IDS: variants seen among roughly 807,000 people sequenced by gnomAD.
IDS encodes iduronate 2-sulfatase, also known as alpha-L-iduronate sulfate sulfatase.
IDS carries 1 observed loss-of-function variant against 33.5 expected under a neutral mutation model. The ratio of observed to expected loss-of-function variants is 0.03; its 90% CI spans 0.01 to 0.14. The LOEUF (loss-of-function observed/expected upper bound fraction) is 0.14. Ranked by LOEUF, IDS falls within the 10% of genes least tolerant of loss-of-function variation. IDS has a pLI of 1.00. For synonymous variants in IDS, 191 were observed against 184.4 expected (o/e 1.04, Z -0.29); for missense variants, 328 against 448.0 (o/e 0.73, Z 2.42).
chrX:149,491,188 T>C (rs782495376), intron 6 of IDS, among the ~76,000 whole-genome samples: 2 of 112,167 alleles, frequency 1.8e-5, no homozygotes, highest in East Asian at 5.6e-4. Context: ...TACAACTGCA[T>C]ATCTTCATGA....
intron 8 of IDS, 104 bp downstream of exon 8, chrX:149,486,821 G>C: frequency 1.1e-6 from 1 of 883,395 alleles, no homozygotes; most frequent in Non-Finnish European, 1.7e-6. Flanking sequence ...GGCAGGAAGG[G>C]GGGGTCTGTG....
intron 1 of IDS, among the ~76,000 whole-genome samples, chrX:149,504,596 G>T (rs1191413493): frequency 1.8e-5 from 2 of 110,651 alleles, no homozygotes; most frequent in African/African-American, 6.6e-5. Context: ...ATGCAGGAAA[G>T]GACAGATGGT....
At chrX:149,499,675 T>C (rs1166826002) in intron 4 of IDS, among the ~76,000 whole-genome samples, 1 of 111,027 alleles carries the variant, frequency 9.0e-6, no homozygotes, top group East Asian at 2.8e-4. Flanking sequence ...CATTAAATTA[T>C]ATACTTCAAA....
chrX:149,486,328 T>C (rs1259910696), intron 8 of IDS, among the ~76,000 whole-genome samples: 1 of 111,522 alleles, frequency 9.0e-6, no homozygotes, highest in Admixed American at 9.5e-5. Context: ...GAAGAGAAGA[T>C]ATTGGTGGAT....
chrX:149,479,731 T>TA lies in IDS; in HGVS notation c.*3014dup, dbSNP rs2089285469. 9.0e-6 allele frequency: 1 copy of TA among 111,657 alleles called. No individual in the cohort carries two copies. Among genetic ancestry groups the TA allele is most frequent in the African/African-American group, 3.3e-5 (1 of 30,578 alleles). The allele number at this position is 111,657 out of a possible 1,213,427, so 9.2% of individuals were successfully genotyped here. A position where few individuals can be genotyped will look rare whatever the true frequency, so the allele number is the denominator to read the frequency against. On this transcript the variant is annotated 3_prime_UTR_variant, in exon 9 of 9. Transcript: ENST00000340855. The stretch of plus-strand genomic sequence containing the variant: ...GTAAAAAAGAACATAAATTACATGA[T>TA]AAAGAATATGACCAGAACAATGCAA...
chrX:149,501,164 C>T (rs1368617606), intron 3 of IDS, 127 bp from the exon 4 acceptor site: 1 of 436,735 alleles, frequency 2.3e-6, no homozygotes, highest in African/African-American at 5.3e-5. Context: ...TCCTCATCTA[C>T]AAAAGGTCCC....
intron 8 of IDS, among the ~76,000 whole-genome samples, chrX:149,486,514 A>G (rs782033954): frequency 6.2e-4 from 69 of 111,766 alleles, no homozygotes; most frequent in African/African-American, 2.1e-3. Context: ...TGTGCCCCCC[A>G]CAAAGAAGGC....
chrX:149,483,741 CATCT>C (rs782803233), intron 8 of IDS, among the ~76,000 whole-genome samples: 6 of 112,140 alleles, frequency 5.4e-5, no homozygotes, highest in Non-Finnish European at 1.1e-4. Context: ...TCATTACCAC[CATCT>C]ATCTCCAGAA....
At position 149,482,916 on chromosome X, in the gene IDS, T is replaced by C. The variant is rs782228221; in HGVS notation, c.1483A>G (p.Ile495Val). Residue 495 changes from isoleucine (I) to valine (V), a missense_variant, in exon 9 of 9, where the codon ATA (isoleucine) becomes GTA (valine). Around this residue, in one of 4 missense-constraint regions of IDS, gnomAD observed 265 missense variants for 339.2 expected, o/e 0.78. Transcript: ENST00000340855. ...IKIMGYSIRTIDYRYTVWVGF... is the reference protein window; with the variant it reads ...IKIMGYSIRTVDYRYTVWVGF... Reference sequence around the variant, plus strand: ...ACCCACACAGTATACCTATAGTCTATGGTGCGTATGGAATAGCCCATGATC... The same window carrying C: ...ACCCACACAGTATACCTATAGTCTACGGTGCGTATGGAATAGCCCATGATC... 3 of 1,211,652 alleles carry C rather than the reference T, an allele frequency of 2.5e-6. No individual in the cohort carries two copies. Among genetic ancestry groups the C allele is most frequent in the Admixed American group, 2.2e-5 (1 of 46,046 alleles).
Position 149,492,181 on chromosome X carries a change from T to C in IDS, c.880-1741A>G, listed in dbSNP as rs1043230851. Among the ~76,000 whole-genome samples, 2 of 111,976 alleles carry C rather than the reference T, an allele frequency of 1.8e-5. 1 individual carries two copies. Among genetic ancestry groups the C allele is most frequent in the Non-Finnish European group, 3.8e-5 (2 of 53,121 alleles). On this transcript the variant is annotated intron_variant, in intron 6 of 8. Coordinates refer to ENST00000340855, the MANE Select transcript of IDS (RefSeq NM_000202.8). ...CTCCTTGCCCTCTGCCTCAGGGTTA[T>C]AGAACAGCTATTCTCCCCTGGGGCT... is the stretch of plus-strand genomic sequence containing the variant.
In IDS at chrX:149,501,053, A is replaced by C. The variant is rs781786692; in HGVS notation, c.419-16T>G. 1 of 1,037,581 alleles carries C rather than the reference A, an allele frequency of 9.6e-7. No individual in the cohort carries two copies. The highest frequency in any genetic ancestry group is 1.8e-5 in the African/African-American group (1 of 54,072). The allele number at this position is 1,037,581 out of a possible 1,213,427, so 85.5% of individuals were successfully genotyped here. A position where few individuals can be genotyped will look rare whatever the true frequency, so the allele number is the denominator to read the frequency against. ...GAAGATATCCCTTGGAAAAAAAAAA[A>C]GGTTGTTAAAACATGATGAGTCTTT... On this transcript the variant is annotated splice_polypyrimidine_tract_variant and intron_variant, in intron 3 of 8. Transcript: ENST00000340855.
At chrX:149,498,598 T>C (rs782122791) in intron 4 of IDS, among the ~76,000 whole-genome samples, 1 of 112,684 alleles carries the variant, frequency 8.9e-6, no homozygotes, top group East Asian at 2.8e-4. Flanking sequence ...CCATCTCTAA[T>C]TCAACAATTA....
chrX:149,487,707 GCC>G (rs1392357803), intron 7 of IDS, among the ~76,000 whole-genome samples: 4,159 of 111,939 alleles, frequency 0.037, 68 homozygotes, highest in African/African-American at 0.064. Flanking sequence ...AACCCTTCAT[GCC>G]TATTTAAAAC....
At chrX:149,484,615 C>T (rs1395552715) in intron 8 of IDS, among the ~76,000 whole-genome samples, 2 of 112,801 alleles carry the variant, frequency 1.8e-5, no homozygotes, top group Non-Finnish European at 3.8e-5. Context: ...CCACCACGCC[C>T]AGCCTTTCAC....
intron 6 of IDS, among the ~76,000 whole-genome samples, chrX:149,491,095 G>GA (rs150518206): frequency 5.4e-4 from 60 of 111,108 alleles, no homozygotes; most frequent in South Asian, 4.1e-3. Flanking sequence ...CCTTTTCAGG[G>GA]AAAAAAAAAT....
At position 149,486,802 on chromosome X, in the gene IDS, C is replaced by T; in HGVS notation, c.1180+123G>A. The T allele has an allele frequency of 1.1e-5, 8 of 760,855 alleles. No individual in the cohort carries two copies. The Middle Eastern group carries it at 9.2e-4, about 87-fold the overall frequency. 62.7% of individuals were successfully genotyped at this position (760,855 alleles called of 1,213,427 possible). On this transcript the variant is annotated intron_variant, in intron 8 of 8. Transcript: ENST00000340855. ...GACCACAAAATGTTGAGAAGAAATTCCAACACAAGGCAGGAAGGGGGGGTC... is the reference window on the plus strand; with the variant it reads ...GACCACAAAATGTTGAGAAGAAATTTCAACACAAGGCAGGAAGGGGGGGTC...
rs782724941 is a variant in IDS at position 149,482,839 on chromosome X, C to T, written c.1560G>A (p.Gly520=). 9.1e-6 allele frequency: 11 copies of T among 1,210,180 alleles called. No homozygotes were observed. In the South Asian group the frequency reaches 1.6e-4, roughly 17 times the overall value. ...FLANFSDIHA[G]ELYFVDSDPL... is the part of the protein sequence containing the mutation. ...GGTCAGAATCCACAAAATACAGTTC[C>T]CCTGCATGGATGTCAGAAAAGTTAG... The change falls in exon 9 of 9, where the codon GGG becomes GGA. Residue 520 remains glycine, a synonymous_variant. Coordinates refer to ENST00000340855, the MANE Select transcript of IDS (RefSeq NM_000202.8).
At chrX:149,494,671 G>A (rs2089421374) in intron 6 of IDS, among the ~76,000 whole-genome samples, 1 of 111,908 alleles carries the variant, frequency 8.9e-6, no homozygotes. Flanking sequence ...GTAAGGAGGG[G>A]ACTAAGAGAA....
chrX:149,487,105 C>T lies in IDS; in HGVS notation c.1007-7G>A. 8.3e-7 allele frequency: 1 copy of T among 1,211,186 alleles called. No individual in the cohort carries two copies. The highest frequency in any genetic ancestry group is 1.7e-5 in the African/African-American group (1 of 57,638). On this transcript the variant is annotated splice_polypyrimidine_tract_variant and splice_region_variant and intron_variant, in intron 7 of 8. Transcript: ENST00000340855. ...TGTTCACCTAGAGCCCACCCTAGTT[C>T]ATAAAAAGCACAGAATGACAGAAAA...
Sources: gnomAD v4.1 joint callset for allele counts (sites outside exome capture counted in the v4.1 genomes callset) on GRCh38, gnomAD v4.1.1 for gene constraint, gnomAD v4.1.1 regional missense constraint, MANE v1.5 for transcripts, NCBI Gene and HGNC (gene_info 2026-07-23, HGNC 2026-07-21) for gene names.